The following NRXN1 variants were observed in gnomAD, a reference collection of about 807,000 sequenced individuals.
The protein encoded by NRXN1 is neurexin 1.
NRXN1 carries 39 observed loss-of-function variants against 150.9 expected under a neutral mutation model. The observed-to-expected ratio is 0.26, with a 90% confidence interval of 0.20 to 0.34. The LOEUF (loss-of-function observed/expected upper bound fraction) is 0.34. Ranked by LOEUF, NRXN1 falls within the 10% of genes least tolerant of loss-of-function variation. The probability of loss-of-function intolerance (pLI) is 1.00; values close to 1 mark genes in which losing one functional copy is unlikely to be tolerated. For synonymous variants in NRXN1, 924 were observed against 757.0 expected (o/e 1.22, Z -3.62); for missense variants, 1,815 against 1,949.9 (o/e 0.93, Z 1.30).
chr2:50,870,875 G>T (rs1178360340), intron 5 of NRXN1, among the ~76,000 whole-genome samples: 1 of 151,700 alleles, frequency 6.6e-6, no homozygotes, highest in South Asian at 2.1e-4. Flanking sequence ...CTATGTCTTG[G>T]ACTTCTGCAC....
chr2:50,817,410 A>C (rs1669088889), intron 5 of NRXN1, among the ~76,000 whole-genome samples: 1 of 150,860 alleles, frequency 6.6e-6, no homozygotes, highest in South Asian at 2.1e-4. Flanking sequence ...TGCACTGGAG[A>C]ATTACACAAA....
At chr2:50,582,143 A>G (rs1464215404) in intron 8 of NRXN1, among the ~76,000 whole-genome samples, 2 of 152,210 alleles carry the variant, frequency 1.3e-5, no homozygotes, top group African/African-American at 4.8e-5. Flanking sequence ...CTGCAGGATT[A>G]GCAAAAGGAT....
At chr2:50,736,103 C>G (rs961178652) in intron 5 of NRXN1, among the ~76,000 whole-genome samples, 2 of 152,174 alleles carry the variant, frequency 1.3e-5, no homozygotes, top group Non-Finnish European at 2.9e-5. Context: ...ATTTCAATCA[C>G]ATTTCAACCC....
intron 8 of NRXN1, among the ~76,000 whole-genome samples, chr2:50,556,452 T>C (rs1668268725): frequency 6.6e-6 from 1 of 152,092 alleles, no homozygotes; most frequent in Admixed American, 6.6e-5. Context: ...ATGATATTTG[T>C]GCACACTCAT....
chr2:50,384,127 C>T (rs1156329358), intron 17 of NRXN1, among the ~76,000 whole-genome samples: 1 of 152,086 alleles, frequency 6.6e-6, no homozygotes, highest in African/African-American at 2.4e-5. Flanking sequence ...ATGGATTTTC[C>T]TAAGTGACAT....
At chr2:50,350,003 A>T (rs896502632) in intron 17 of NRXN1, among the ~76,000 whole-genome samples, 1 of 152,220 alleles carries the variant, frequency 6.6e-6, no homozygotes, top group Non-Finnish European at 1.5e-5. Context: ...ACTTACAGTC[A>T]GTTCTCATTA....
At chr2:50,726,620 C>T (rs546877743) in intron 5 of NRXN1, among the ~76,000 whole-genome samples, 2 of 152,134 alleles carry the variant, frequency 1.3e-5, no homozygotes, top group East Asian at 1.9e-4. Context: ...AACTGAGTCA[C>T]AGAAAGGCAA....
At chr2:50,515,177 T>C (rs1558864930) in intron 12 of NRXN1, among the ~76,000 whole-genome samples, 1 of 152,124 alleles carries the variant, frequency 6.6e-6, no homozygotes. Flanking sequence ...GCAAACCCTA[T>C]TGTGAACTGC....
intron 8 of NRXN1, chr2:50,619,783 C>T (rs1411852130): frequency 2.3e-6 from 1 of 431,758 alleles, no homozygotes; most frequent in Non-Finnish European, 4.2e-6. Flanking sequence ...ATCAACTGTC[C>T]ACACAAATCT....
At chr2:50,161,294 A>G (rs2059349565) in intron 18 of NRXN1, among the ~76,000 whole-genome samples, 1 of 152,194 alleles carries the variant, frequency 6.6e-6, no homozygotes, top group Admixed American at 6.6e-5. Context: ...CTGAATTTCC[A>G]TTATGAGGAA....
chr2:50,338,154 A>C (rs2077311569), intron 17 of NRXN1, among the ~76,000 whole-genome samples: 1 of 152,244 alleles, frequency 6.6e-6, no homozygotes, highest in Admixed American at 6.5e-5. Context: ...AGACTAATTT[A>C]TTATTCATCT....
intron 2 of NRXN1, among the ~76,000 whole-genome samples, chr2:51,027,250 G>T (rs1558611880): frequency 6.6e-6 from 1 of 152,212 alleles, no homozygotes; most frequent in Non-Finnish European, 1.5e-5. Flanking sequence ...ACTTGGAAGG[G>T]AGTAGTGTTG....
At chr2:50,567,580 T>TCATTATTA (rs11281828) in intron 8 of NRXN1, among the ~76,000 whole-genome samples, 1 of 151,756 alleles carries the variant, frequency 6.6e-6, no homozygotes, top group African/African-American at 2.4e-5. Context: ...AGATATAGAA[T>TCATTATTA]CTGATTTTTC....
At chr2:51,016,121 G>A (rs1668629180) in intron 2 of NRXN1, among the ~76,000 whole-genome samples, 1 of 151,902 alleles carries the variant, frequency 6.6e-6, no homozygotes, top group East Asian at 1.9e-4. Context: ...AAGCAATGGG[G>A]AAAGGATTCC....
chr2:50,097,181 T>C (rs959054314), intron 18 of NRXN1, among the ~76,000 whole-genome samples: 2 of 152,160 alleles, frequency 1.3e-5, no homozygotes, highest in African/African-American at 2.4e-5. Context: ...AAAATGTCTC[T>C]CTCTGTGTCT....
intron 17 of NRXN1, among the ~76,000 whole-genome samples, chr2:50,361,715 T>C (rs888426925): frequency 5.9e-5 from 9 of 152,064 alleles, no homozygotes; most frequent in African/African-American, 2.2e-4. Flanking sequence ...ATCCTAACAA[T>C]AGAAAAAGAG....
chr2:50,683,639 A>T lies in NRXN1; in HGVS notation c.833-60024T>A, dbSNP rs1272429331. Among the ~76,000 whole-genome samples the T allele has an allele frequency of 5.5e-3, 311 of 56,090 alleles. 44 individuals carry two copies. The highest frequency in any genetic ancestry group is 8.4e-3 in the Non-Finnish European group (254 of 30,140). The allele number at this position is 56,090 out of a possible 152,430, so 36.8% of individuals were successfully genotyped here. Reference sequence around the variant, plus strand: ...AGAGCAAGACTCCGTCTCAAAAAAAAAAAAAAAATATATATATATATATAT... The same window carrying T: ...AGAGCAAGACTCCGTCTCAAAAAAATAAAAAAAATATATATATATATATAT... On this transcript the variant is annotated intron_variant, in intron 5 of 22. Coordinates refer to ENST00000401669, the MANE Select transcript of NRXN1 (RefSeq NM_001330078.2).
chr2:50,901,534 C>T (rs542497812), intron 5 of NRXN1, among the ~76,000 whole-genome samples: 2 of 151,916 alleles, frequency 1.3e-5, no homozygotes, highest in Admixed American at 1.3e-4. Context: ...GAGACTCCGT[C>T]CCCGCAAAAA....
chr2:50,534,494 T>C (rs549946506), intron 10 of NRXN1, among the ~76,000 whole-genome samples: 26 of 152,296 alleles, frequency 1.7e-4, no homozygotes, highest in African/African-American at 4.8e-4. Context: ...AATAATCAAA[T>C]TGCTGTTGCT....
Sources: gnomAD v4.1 joint callset for allele counts (sites outside exome capture counted in the v4.1 genomes callset) on GRCh38, gnomAD v4.1.1 for gene constraint, MANE v1.5 for transcripts, NCBI Gene and HGNC (gene_info 2026-07-23, HGNC 2026-07-21) for gene names.